Variants in CNNM4 observed in about 807,000 individuals in gnomAD.
CNNM4 encodes metal transporter CNNM4.
CNNM4 carries 32 observed loss-of-function variants against 53.7 expected under a neutral mutation model. That is an observed-to-expected ratio of 0.60 (90% CI 0.45 to 0.80). The LOEUF (loss-of-function observed/expected upper bound fraction) is 0.80. Ranked by LOEUF, CNNM4 falls within the 30% of genes least tolerant of loss-of-function variation. The pLI is 0.00. For synonymous variants in CNNM4, 410 were observed against 440.0 expected (o/e 0.93, Z 0.85); for missense variants, 784 against 1,022.0 (o/e 0.77, Z 3.17).
rs781192785 is a variant in CNNM4, at chr2:96,808,684, T to C, written c.2072T>C (p.Leu691Pro). 3.1e-5 allele frequency: 50 copies of C among 1,614,226 alleles called. No homozygotes were observed. The highest frequency in any genetic ancestry group is 4.2e-5 in the Non-Finnish European group (49 of 1,180,038). Residue 691 changes from leucine to proline, a missense_variant, in exon 6 of 7, where the codon CTG (leucine) becomes CCG (proline). Leu to Pro is a moderately conservative substitution (Grantham distance 98). Coordinates refer to ENST00000377075, the MANE Select transcript of CNNM4 (RefSeq NM_020184.4). The surrounding 1 kb of genome is among the most constrained non-coding windows in gnomAD (Gnocchi z 4.9). ...GSSNQFGSSV[L>P]GQYISDFSVR... ...AGCAACCAGTTTGGCAGCTCTGTCC[T>C]GGGCCAGTACATCTCTGACTTCAGC...
intron 1 of CNNM4, among the ~76,000 whole-genome samples, chr2:96,791,697 T>C (rs1197823060): frequency 6.6e-6 from 1 of 152,096 alleles, no homozygotes; most frequent in Non-Finnish European, 1.5e-5. Context: ...TGAGGAAATA[T>C]AGCAAAATGT....
intron 5 of CNNM4, among the ~76,000 whole-genome samples, chr2:96,807,097 G>A (rs1344381252): frequency 6.6e-6 from 1 of 152,090 alleles, no homozygotes; most frequent in South Asian, 2.1e-4. Flanking sequence ...TACAACCTCC[G>A]CCTCCCAGGC....
Position 96,761,093 on chromosome 2 carries a change from G to T in CNNM4, c.94G>T (p.Ala32Ser), listed in dbSNP as rs770893270. 3 of 1,524,328 alleles carry T rather than the reference G, an allele frequency of 2.0e-6. No individual in the cohort carries two copies. Among genetic ancestry groups the T allele is most frequent in the Non-Finnish European group, 2.7e-6 (3 of 1,131,058 alleles). 94.4% of individuals were successfully genotyped at this position (1,524,328 alleles called of 1,614,324 possible). ...AAPVLLVLLW[A>S]LGARGQGSPQ... is the part of the protein sequence containing the mutation. ...GCCGGTGCTGCTGGTGCTGCTGTGG[G>T]CGCTGGGGGCCCGGGGCCAGGGCAG... is the stretch of plus-strand genomic sequence containing the variant. The change falls in exon 1 of 7, where the codon GCG (alanine) becomes TCG (serine). Residue 32 changes from alanine (A) to serine (S), a missense_variant. Physicochemically the swap from Ala to Ser is moderately conservative, Grantham distance 99. This residue lies in a region of CNNM4 where 473 missense variants were observed against 624.6 expected (regional missense o/e 0.76). Transcript: ENST00000377075. The surrounding 1 kb of genome is among the most constrained non-coding windows in gnomAD (Gnocchi z 6.0).
At position 96,761,286 on chromosome 2, in the gene CNNM4, T is replaced by G. The variant is rs1574046271; in HGVS notation, c.287T>G (p.Val96Gly). 6.2e-7 allele frequency: 1 copy of G among 1,613,804 alleles called. No homozygotes were observed. The stretch of plus-strand genomic sequence containing the variant: ...AGCAACCTGATCTCCTTCACCGAGG[T>G]GGACGATGCCGAGACCCTCCACAAG... The part of the protein sequence containing the change: ...ISSNLISFTE[V>G]DDAETLHKST... Residue 96 changes from valine to glycine, a missense_variant, in exon 1 of 7, where the codon GTG becomes GGG. By Grantham distance (109) the Val-to-Gly change is moderately radical (BLOSUM62 -3). Coordinates refer to ENST00000377075, the MANE Select transcript of CNNM4 (RefSeq NM_020184.4). This position sits in a 1 kb window ranked among gnomAD's most constrained non-coding sequence, Gnocchi z 6.0.
At position 96,809,609 on chromosome 2, in the gene CNNM4, G is replaced by C. The variant is rs1220502525; in HGVS notation, c.*92G>C. The C allele has an allele frequency of 1.2e-5, 14 of 1,147,852 alleles. No individual in the cohort carries two copies. In the Admixed American group the frequency reaches 2.8e-4, roughly 23 times the overall value. The allele number at this position is 1,147,852 out of a possible 1,614,324, so 71.1% of individuals were successfully genotyped here. A position where few individuals can be genotyped will look rare whatever the true frequency, so the allele number is the denominator to read the frequency against. ...GAACCTGTTAGTCCAGAAAGGATAC[G>C]GATAGATAGCCTGTCTGACTGAACA... On this transcript the variant is annotated 3_prime_UTR_variant, in exon 7 of 7. Coordinates refer to ENST00000377075, the MANE Select transcript of CNNM4 (RefSeq NM_020184.4).
Position 96,760,925 on chromosome 2 carries a change from G to C in CNNM4, c.-75G>C. Reference sequence around the variant, plus strand: ...GCAGTTGGCTCGGCGGCAGCGGAGCGGCCGGAGCTGCGGTGCGGACCGGGG... The same window carrying C: ...GCAGTTGGCTCGGCGGCAGCGGAGCCGCCGGAGCTGCGGTGCGGACCGGGG... On this transcript the variant is annotated 5_prime_UTR_variant, in exon 1 of 7. Transcript: ENST00000377075. 1 of 819,588 alleles carries C rather than the reference G, an allele frequency of 1.2e-6. No homozygotes were observed. The highest frequency in any genetic ancestry group is 1.5e-6 in the Non-Finnish European group (1 of 678,086). The allele number at this position is 819,588 out of a possible 1,614,324, so 50.8% of individuals were successfully genotyped here. A position where few individuals can be genotyped will look rare whatever the true frequency, so the allele number is the denominator to read the frequency against.
At chr2:96,786,778 C>CA (rs978560794) in intron 1 of CNNM4, among the ~76,000 whole-genome samples, 1,262 of 40,366 alleles carry the variant, frequency 0.031, 99 homozygotes, top group East Asian at 0.053. Flanking sequence ...GACTCTGTCT[C>CA]AAAAAAAAAA....
At chr2:96,764,347 A>G (rs2078793696) in intron 1 of CNNM4, among the ~76,000 whole-genome samples, 1 of 152,120 alleles carries the variant, frequency 6.6e-6, no homozygotes, top group Non-Finnish European at 1.5e-5. Flanking sequence ...CCCCAGGTTC[A>G]GTTTACTCCG....
rs541054706 is a variant in CNNM4 at position 96,805,427 on chromosome 2, T to G, written c.1949-3134T>G. Among the ~76,000 whole-genome samples, 125 of 140,172 alleles carry G rather than the reference T, an allele frequency of 8.9e-4. 1 individual carries two copies. The highest frequency in any genetic ancestry group is 3.4e-3 in the African/African-American group (113 of 33,176). 92.0% of individuals were successfully genotyped at this position (140,172 alleles called of 152,430 possible). A position where few individuals can be genotyped will look rare whatever the true frequency, so the allele number is the denominator to read the frequency against. The stretch of plus-strand genomic sequence containing the variant: ...CCCTGGCTTCTTTTCAGTTTTTTTT[T>G]TTTTTTTTTTTTATTATTTTTTTTT... On this transcript the variant is annotated intron_variant, in intron 5 of 6. Transcript: ENST00000377075.
rs951015299 is a variant in CNNM4, at chr2:96,797,410, C to T, written c.1547-103C>T. ...TGCCAGCCAGAGCCTGCTGCTCCTG[C>T]GTGGGACTAGGGGCTGGAGAGCAGG... On this transcript the variant is annotated intron_variant, in intron 2 of 6. Coordinates refer to ENST00000377075, the MANE Select transcript of CNNM4 (RefSeq NM_020184.4). The surrounding 1 kb of genome is among the most constrained non-coding windows in gnomAD (Gnocchi z 6.0). 3.7e-5 allele frequency: 57 copies of T among 1,532,810 alleles called. No homozygotes were observed. Among genetic ancestry groups the T allele is most frequent in the East Asian group, 1.6e-4 (7 of 44,520 alleles). The allele number at this position is 1,532,810 out of a possible 1,614,324, so 95.0% of individuals were successfully genotyped here.
chr2:96,793,542 G>T (rs755502403), intron 1 of CNNM4, among the ~76,000 whole-genome samples: 1 of 152,214 alleles, frequency 6.6e-6, no homozygotes, highest in Admixed American at 6.5e-5. Context: ...GCCACCCGAG[G>T]GTGCACACAC....
chr2:96,802,524 G>A (rs184518428), intron 5 of CNNM4, among the ~76,000 whole-genome samples: 1 of 152,354 alleles, frequency 6.6e-6, no homozygotes, highest in East Asian at 1.9e-4. Context: ...GCATGGCCCC[G>A]GGTCAGACTG....
At chr2:96,788,253 T>A (rs1050156352) in intron 1 of CNNM4, among the ~76,000 whole-genome samples, 5 of 132,124 alleles carry the variant, frequency 3.8e-5, no homozygotes, top group African/African-American at 1.6e-4. Flanking sequence ...CGCTGTAATC[T>A]TTTTTTTTTT....
chr2:96,778,697 C>A (rs1260010816), intron 1 of CNNM4, among the ~76,000 whole-genome samples: 1 of 151,396 alleles, frequency 6.6e-6, no homozygotes, highest in Non-Finnish European at 1.5e-5. Context: ...AGTAATCCTC[C>A]TGCCTCAGCC....
At chr2:96,774,130 C>T (rs565262004) in intron 1 of CNNM4, among the ~76,000 whole-genome samples, 4 of 152,128 alleles carry the variant, frequency 2.6e-5, no homozygotes, top group African/African-American at 4.8e-5. Flanking sequence ...ACTGCAGGAG[C>T]GTCATGTGAG....
intron 1 of CNNM4, among the ~76,000 whole-genome samples, chr2:96,789,375 C>A (rs2079041447): frequency 6.6e-6 from 1 of 152,194 alleles, no homozygotes; most frequent in Non-Finnish European, 1.5e-5. Context: ...ATCCTCCTTG[C>A]CCTTGTGCCA....
At chr2:96,768,806 C>T (rs370344729) in intron 1 of CNNM4, among the ~76,000 whole-genome samples, 2 of 152,092 alleles carry the variant, frequency 1.3e-5, no homozygotes, top group African/African-American at 2.4e-5. Context: ...GGGTGTGGCC[C>T]GAGAGTCTGC....
intron 1 of CNNM4, among the ~76,000 whole-genome samples, chr2:96,768,311 C>T (rs754656856): frequency 2.6e-5 from 4 of 152,148 alleles, no homozygotes; most frequent in East Asian, 1.9e-4. Flanking sequence ...CAACAGTGAC[C>T]GTTTTGAAGC....
chr2:96,799,809 G>T (rs2079142882), intron 5 of CNNM4, among the ~76,000 whole-genome samples, 161 bp downstream of exon 5: 1 of 152,238 alleles, frequency 6.6e-6, no homozygotes, highest in Admixed American at 6.5e-5. Context: ...GGAGCGGGTG[G>T]TGTGGAAGAG....
Sources: allele counts gnomAD v4.1 joint callset (sites outside exome capture counted in the v4.1 genomes callset), GRCh38; gene constraint gnomAD v4.1.1; regional missense constraint gnomAD v4.1.1; non-coding constraint Gnocchi (gnomAD v3.1); transcripts MANE v1.5; gene names NCBI Gene and HGNC (gene_info 2026-07-23, HGNC 2026-07-21).